ZNF143: variants seen among roughly 807,000 people sequenced by gnomAD.
ZNF143 encodes SPH-binding factor.
Under a neutral mutation model 74.1 loss-of-function variants are expected in ZNF143, and 49 were observed. The ratio of observed to expected loss-of-function variants is 0.66; its 90% confidence interval spans 0.53 to 0.84. The LOEUF (loss-of-function observed/expected upper bound fraction) is 0.84, where lower values mean the gene tolerates loss of function less well. Ranked by LOEUF, ZNF143 falls within the 40% of genes least tolerant of loss-of-function variation. The pLI is 0.00. For missense variants in ZNF143, 637 were observed against 793.4 expected, an observed-to-expected ratio of 0.80 and a Z score of 2.37; for synonymous variants, 304 against 282.8, an observed-to-expected ratio of 1.07 and a Z score of -0.75.
chr11:9,503,318 A>T (rs913802700), intron 11 of ZNF143, among the ~76,000 whole-genome samples: 2 of 152,244 alleles, frequency 1.3e-5, no homozygotes, highest in Non-Finnish European at 2.9e-5. Flanking sequence ...TGCAATGAGC[A>T]TTCATGTACA....
Position 9,508,881 on chromosome 11 carries a change from T to A in ZNF143, c.1375+35T>A, listed in dbSNP as rs561210611. On this transcript the variant is annotated intron_variant, in intron 12 of 15. Coordinates refer to ENST00000396602, the MANE Select transcript of ZNF143 (RefSeq NM_003442.6). The stretch of plus-strand genomic sequence containing the variant: ...TTGTCTACTATATTTTGTTTCTGAG[T>A]TTGAGAATCAACAGTTATGAACATA... 3.8e-4 allele frequency: 583 copies of A among 1,538,164 alleles called. 6 individuals are homozygous for A. In the South Asian group the frequency reaches 6.5e-3, roughly 17 times the overall value.
At chr11:9,506,700 T>G (rs559938121) in intron 11 of ZNF143, among the ~76,000 whole-genome samples, 4 of 152,334 alleles carry the variant, frequency 2.6e-5, no homozygotes, top group African/African-American at 9.6e-5. Context: ...GAGGTGGGTC[T>G]GGGCTGGAAG....
intron 14 of ZNF143, among the ~76,000 whole-genome samples, chr11:9,516,673 A>G (rs1848735325): frequency 6.6e-6 from 1 of 152,194 alleles, no homozygotes. Flanking sequence ...TACTTAGGAA[A>G]TACTTGCAAA....
At chr11:9,487,871 G>A (rs926724765) in intron 7 of ZNF143, among the ~76,000 whole-genome samples, 1 of 152,108 alleles carries the variant, frequency 6.6e-6, no homozygotes, top group African/African-American at 2.4e-5. Flanking sequence ...ACCTGTTATA[G>A]TTTTGGTCTT....
chr11:9,517,064 A>C (rs982818195), intron 14 of ZNF143, among the ~76,000 whole-genome samples: 7 of 152,086 alleles, frequency 4.6e-5, no homozygotes, highest in African/African-American at 7.2e-5. Context: ...ACAGGTGTGC[A>C]CCACCATGCC....
intron 11 of ZNF143, among the ~76,000 whole-genome samples, chr11:9,503,913 A>G (rs1446806747): frequency 1.4e-5 from 2 of 147,794 alleles, no homozygotes; most frequent in Non-Finnish European, 3.0e-5. Context: ...TGGCCTCCCA[A>G]AGTGGTGGGA....
At chr11:9,472,078 A>C (rs1856609591) in intron 2 of ZNF143, among the ~76,000 whole-genome samples, 1 of 148,382 alleles carries the variant, frequency 6.7e-6, no homozygotes, top group Non-Finnish European at 1.5e-5. Context: ...ACAGGCACCC[A>C]CCAGCGTGCC....
chr11:9,512,655 G>A, intron 13 of ZNF143, 59 bp downstream of exon 13: 2 of 1,602,056 alleles, frequency 1.2e-6, no homozygotes, highest in South Asian at 1.1e-5. Flanking sequence ...GGCTTGAAAG[G>A]CAGGCTGGGT....
At position 9,492,204 on chromosome 11, in the gene ZNF143, G is replaced by T. The variant is rs560151817; in HGVS notation, c.646-2442G>T. ...TGGCTCACTGCTTCTTCTGCCTCCC[G>T]GGTTCAAGCAATTCTCCTGCCGCAG... On this transcript the variant is annotated intron_variant, in intron 7 of 15. Transcript: ENST00000396602. Among the ~76,000 whole-genome samples, 4 of 147,330 alleles carry T rather than the reference G, an allele frequency of 2.7e-5. No individual in the cohort carries two copies. In the East Asian group the frequency reaches 8.1e-4, roughly 30 times the overall value.
intron 6 of ZNF143, 116 bp from the exon 7 acceptor site, chr11:9,479,356 T>G: frequency 1.6e-6 from 1 of 643,576 alleles, no homozygotes; most frequent in East Asian, 3.5e-5. Context: ...TGAAGCCCCA[T>G]GTACTTTTTT....
chr11:9,466,988 G>A (rs1392786928), intron 1 of ZNF143, among the ~76,000 whole-genome samples: 1 of 151,644 alleles, frequency 6.6e-6, no homozygotes, highest in African/African-American at 2.4e-5. Context: ...CTGCCTCCCG[G>A]GTTCACGCCA....
At chr11:9,465,925 A>G (rs1346359348) in intron 1 of ZNF143, among the ~76,000 whole-genome samples, 1 of 151,606 alleles carries the variant, frequency 6.6e-6, no homozygotes, top group African/African-American at 2.4e-5. Flanking sequence ...CCCAGGCCCA[A>G]GTGATCCTCC....
At chr11:9,486,593 T>A (rs1435739066) in intron 7 of ZNF143, among the ~76,000 whole-genome samples, 1 of 141,630 alleles carries the variant, frequency 7.1e-6, no homozygotes, top group Admixed American at 7.6e-5. Context: ...GAATGCCATG[T>A]AAGATTTTAT....
At chr11:9,496,628 ACT>A (rs1847967611) in intron 9 of ZNF143, among the ~76,000 whole-genome samples, 1 of 148,976 alleles carries the variant, frequency 6.7e-6, no homozygotes, top group East Asian at 2.0e-4. Flanking sequence ...AGACAGTTTC[ACT>A]CTGTCACTCA....
intron 1 of ZNF143, among the ~76,000 whole-genome samples, chr11:9,470,292 C>T (rs1322187794): frequency 6.6e-6 from 1 of 152,240 alleles, no homozygotes; most frequent in Non-Finnish European, 1.5e-5. Flanking sequence ...AGTGAGCAAA[C>T]AAACAGAAGT....
At chr11:9,470,710 T>G (rs961081609) in intron 1 of ZNF143, among the ~76,000 whole-genome samples, 2 of 152,204 alleles carry the variant, frequency 1.3e-5, no homozygotes, top group Non-Finnish European at 2.9e-5. Context: ...GATTTTACTC[T>G]GAGAAAGTCC....
chr11:9,513,030 C>T (rs1320595891), intron 13 of ZNF143, among the ~76,000 whole-genome samples: 1 of 152,218 alleles, frequency 6.6e-6, no homozygotes, highest in African/African-American at 2.4e-5. Flanking sequence ...ACTAGCCTCA[C>T]AGAGTCGGTA....
intron 3 of ZNF143, 31 bp downstream of exon 3, chr11:9,472,800 A>T (rs1856660572): frequency 1.3e-6 from 2 of 1,486,604 alleles, no homozygotes; most frequent in African/African-American, 1.4e-5. Context: ...TGATTGGTTA[A>T]TACCAGTGAT....
At chr11:9,491,156 C>T (rs147039411) in intron 7 of ZNF143, among the ~76,000 whole-genome samples, 206 of 152,194 alleles carry the variant, frequency 1.4e-3, no homozygotes, top group African/African-American at 3.7e-3. Context: ...GAAGCTGAGA[C>T]GGAGGATTCC....
Sources: gnomAD v4.1 joint callset for allele counts (sites outside exome capture counted in the v4.1 genomes callset) on GRCh38, gnomAD v4.1.1 for gene constraint, MANE v1.5 for transcripts, NCBI Gene and HGNC (gene_info 2026-07-23, HGNC 2026-07-21) for gene names.